Variants in PPFIA2 observed in about 807,000 individuals in gnomAD.
The protein encoded by PPFIA2 is liprin-alpha-2.
A neutral mutation model predicts 175.5 loss-of-function variants in PPFIA2; 46 were observed. The observed-to-expected ratio is 0.26, with a 90% CI of 0.21 to 0.34. PPFIA2 has a LOEUF of 0.34. Among genes scored for constraint, PPFIA2 ranks in the 10% least tolerant of loss-of-function variants. The probability of loss-of-function intolerance (pLI) is 1.00; values close to 1 mark genes in which losing one functional copy is unlikely to be tolerated. For synonymous variants in PPFIA2, 568 were observed against 511.4 expected (o/e 1.11, Z -1.49); for missense variants, 1,179 against 1,506.1 (o/e 0.78, Z 3.60).
chr12:81,612,698 A>G (rs187188455), intron 4 of PPFIA2, among the ~76,000 whole-genome samples: 45 of 152,286 alleles, frequency 3.0e-4, no homozygotes, highest in African/African-American at 1.0e-3. Context: ...ATAAGACAAA[A>G]TTAGTAAATC....
At chr12:81,515,793 A>G (rs2062352863) in intron 4 of PPFIA2, among the ~76,000 whole-genome samples, 1 of 152,016 alleles carries the variant, frequency 6.6e-6, no homozygotes. Flanking sequence ...CATTTTTCTC[A>G]TGAGTACATC....
intron 4 of PPFIA2, among the ~76,000 whole-genome samples, chr12:81,654,644 G>T (rs2067509081): frequency 6.6e-6 from 1 of 152,012 alleles, no homozygotes. Flanking sequence ...AGCTCCAAAG[G>T]AGACCGTAAG....
At chr12:81,376,254 A>G (rs1304586899) in intron 9 of PPFIA2, among the ~76,000 whole-genome samples, 1 of 152,196 alleles carries the variant, frequency 6.6e-6, no homozygotes, top group African/African-American at 2.4e-5. Context: ...TTCATTATGC[A>G]GTAAAATTAA....
intron 3 of PPFIA2, among the ~76,000 whole-genome samples, chr12:81,707,824 A>G (rs1458254529): frequency 1.3e-5 from 2 of 150,860 alleles, no homozygotes; most frequent in East Asian, 3.9e-4. Context: ...CATATACACC[A>G]TGGAATACTA....
intron 8 of PPFIA2, among the ~76,000 whole-genome samples, chr12:81,390,129 C>A (rs2039839630): frequency 6.6e-6 from 1 of 152,042 alleles, no homozygotes; most frequent in Non-Finnish European, 1.5e-5. Flanking sequence ...CTCATTTCTA[C>A]ATTGATGAAT....
In PPFIA2 at chr12:81,417,748, TGTC is replaced by T. The variant is rs562567623; in HGVS notation, c.646-11848_646-11846del. ...TTTAAATGTGCACATATCAAAATAATGTCAGTATGAGAAGGAAGCAGAACTTAA... is the reference window on the plus strand; with the variant it reads ...TTTAAATGTGCACATATCAAAATAATAGTATGAGAAGGAAGCAGAACTTAA... On this transcript the variant is annotated intron_variant, in intron 7 of 32. Coordinates refer to ENST00000549396, the MANE Select transcript of PPFIA2 (RefSeq NM_003625.5). Among the ~76,000 whole-genome samples the T allele has an allele frequency of 5.3e-4, 81 of 151,908 alleles. 1 individual carries two copies. Among genetic ancestry groups the T allele is most frequent in the African/African-American group, 1.9e-3 (80 of 41,548 alleles).
At chr12:81,478,467 G>C (rs1228008973) in intron 4 of PPFIA2, among the ~76,000 whole-genome samples, 2 of 152,120 alleles carry the variant, frequency 1.3e-5, no homozygotes, top group South Asian at 2.1e-4. Context: ...GAATTTGTTT[G>C]ATCCTGCTTC....
At position 81,694,583 on chromosome 12, in the gene PPFIA2, C is replaced by CAAA. The variant is rs552380364; in HGVS notation, c.250-17742_250-17740dup. On this transcript the variant is annotated intron_variant, in intron 3 of 32. Transcript: ENST00000549396. ...GTATTGAATAGCCTCAGTGCCCAGG[C>CAAA]AAAAGCCTGCTGCAGGGGCAGAGTC... Among the ~76,000 whole-genome samples the CAAA allele has an allele frequency of 5.1e-3, 784 of 152,312 alleles. 6 individuals carry two copies. Among genetic ancestry groups the CAAA allele is most frequent in the African/African-American group, 0.017 (704 of 41,578 alleles).
At chr12:81,448,148 CTATAAAGGATATCTGTTAT>C (rs1358781184) in intron 5 of PPFIA2, among the ~76,000 whole-genome samples, 3 of 152,068 alleles carry the variant, frequency 2.0e-5, no homozygotes, top group Non-Finnish European at 4.4e-5. Context: ...AATAATGATG[CTATAAAGGATATCTGTTAT>C]TAGAGACTAC....
chr12:81,333,538 G>GA (rs1219202516), intron 21 of PPFIA2, among the ~76,000 whole-genome samples: 1 of 152,058 alleles, frequency 6.6e-6, no homozygotes, highest in African/African-American at 2.4e-5. Context: ...GAGTAGAGTA[G>GA]AAAAAACTTT....
At chr12:81,701,057 A>T (rs1481584510) in intron 3 of PPFIA2, among the ~76,000 whole-genome samples, 2 of 152,184 alleles carry the variant, frequency 1.3e-5, no homozygotes, top group African/African-American at 4.8e-5. Flanking sequence ...ACAAGATTTT[A>T]AGACTGACAG....
intron 4 of PPFIA2, among the ~76,000 whole-genome samples, chr12:81,559,364 A>G (rs1006170372): frequency 6.6e-6 from 1 of 152,210 alleles, no homozygotes; most frequent in African/African-American, 2.4e-5. Context: ...ATATTATAGG[A>G]CAATAAAACA....
intron 3 of PPFIA2, among the ~76,000 whole-genome samples, chr12:81,696,086 G>A (rs949353216): frequency 6.6e-6 from 1 of 152,140 alleles, no homozygotes; most frequent in African/African-American, 2.4e-5. Context: ...CTCTGACACT[G>A]TACAGATGTG....
chr12:81,363,184 A>C (rs892283230), intron 14 of PPFIA2, among the ~76,000 whole-genome samples: 1 of 151,706 alleles, frequency 6.6e-6, no homozygotes, highest in Non-Finnish European at 1.5e-5. Flanking sequence ...TGGGTGAAGG[A>C]AAAAGATGAT....
chr12:81,364,497 C>T (rs992225998), intron 14 of PPFIA2, among the ~76,000 whole-genome samples: 11 of 151,838 alleles, frequency 7.2e-5, no homozygotes, highest in African/African-American at 2.7e-4. Context: ...AATCCTCTTG[C>T]CTCTGCCTTC....
chr12:81,601,178 T>C (rs966259955), intron 4 of PPFIA2, among the ~76,000 whole-genome samples: 1 of 151,978 alleles, frequency 6.6e-6, no homozygotes, highest in Non-Finnish European at 1.5e-5. Context: ...GAAATAGTAC[T>C]ACTAATATAT....
intron 4 of PPFIA2, among the ~76,000 whole-genome samples, chr12:81,544,865 AT>A (rs1686317941): frequency 6.6e-6 from 1 of 152,210 alleles, no homozygotes; most frequent in Admixed American, 6.5e-5. Context: ...CTCAAAAGCA[AT>A]CAGAACCCAT....
intron 4 of PPFIA2, among the ~76,000 whole-genome samples, chr12:81,539,536 C>T (rs1372845068): frequency 1.3e-5 from 2 of 151,928 alleles, no homozygotes; most frequent in African/African-American, 4.8e-5. Flanking sequence ...GAAATGCAAA[C>T]CTCTTACCCC....
chr12:81,284,588 TG>T (rs2042843970), intron 24 of PPFIA2, among the ~76,000 whole-genome samples: 1 of 152,210 alleles, frequency 6.6e-6, no homozygotes, highest in Non-Finnish European at 1.5e-5. Context: ...CATCAAAATT[TG>T]CATTTCAATG....
Sources: gnomAD v4.1 joint callset for allele counts (sites outside exome capture counted in the v4.1 genomes callset) on GRCh38, gnomAD v4.1.1 for gene constraint, MANE v1.5 for transcripts, NCBI Gene and HGNC (gene_info 2026-07-23, HGNC 2026-07-21) for gene names.